Variants in PRKCE observed in about 807,000 individuals in gnomAD.
The protein encoded by PRKCE is protein kinase C epsilon, also known as protein kinase C epsilon type.
Under a neutral mutation model 85.4 loss-of-function variants are expected in PRKCE, and 16 were observed. That is an observed-to-expected ratio of 0.19 (90% CI 0.13 to 0.28). The LOEUF (loss-of-function observed/expected upper bound fraction) is 0.28. Among genes scored for constraint, PRKCE ranks in the 10% least tolerant of loss-of-function variants. PRKCE has a pLI of 1.00. For synonymous variants in PRKCE, 388 were observed against 371.5 expected (o/e 1.04, Z -0.51); for missense variants, 573 against 975.2 (o/e 0.59, Z 5.49).
intron 10 of PRKCE, among the ~76,000 whole-genome samples, chr2:46,024,943 C>T (rs1352164956): frequency 2.0e-5 from 3 of 152,088 alleles, no homozygotes; most frequent in African/African-American, 4.8e-5. Context: ...TCCAATTTGC[C>T]CAGAGTTTTA....
rs1461998277 is a variant in PRKCE, at chr2:46,010,532, A to T, written c.1437+15A>T. 1 of 1,598,520 alleles carries T rather than the reference A, an allele frequency of 6.3e-7. No individual in the cohort carries two copies. ...TCCAGACCAAGGTATGTTAGGAAGA[A>T]GCTGGCTGGCTGCCATGTTGGGGCA... On this transcript the variant is annotated intron_variant, in intron 10 of 14. Transcript: ENST00000306156.
At chr2:46,057,833 T>C (rs1666738324) in intron 10 of PRKCE, among the ~76,000 whole-genome samples, 2 of 152,206 alleles carry the variant, frequency 1.3e-5, no homozygotes, top group Non-Finnish European at 2.9e-5. Context: ...CCTGTCTCCC[T>C]CACCAAGCTG....
intron 1 of PRKCE, among the ~76,000 whole-genome samples, chr2:45,671,752 G>A (rs1341778319): frequency 6.6e-6 from 1 of 152,048 alleles, no homozygotes; most frequent in Admixed American, 6.5e-5. Context: ...CAGAAGTTTA[G>A]TGACTTGATC....
At chr2:46,013,446 G>C (rs966096561) in intron 10 of PRKCE, among the ~76,000 whole-genome samples, 4 of 152,156 alleles carry the variant, frequency 2.6e-5, no homozygotes, top group African/African-American at 9.7e-5. Context: ...CAGGGGAGGG[G>C]GTCTTCCCTA....
At chr2:45,995,179 A>G (rs973321304) in intron 6 of PRKCE, among the ~76,000 whole-genome samples, 12 of 152,164 alleles carry the variant, frequency 7.9e-5, no homozygotes, top group Admixed American at 2.0e-4. Context: ...ATTGGATAAT[A>G]TAGGCATATA....
At chr2:45,962,913 CAG>C (rs150490672) in intron 2 of PRKCE, among the ~76,000 whole-genome samples, 1,903 of 152,232 alleles carry the variant, frequency 0.013, 41 homozygotes, top group East Asian at 0.097. Flanking sequence ...TCTCCATGTG[CAG>C]AGTTTTGGTC....
intron 1 of PRKCE, among the ~76,000 whole-genome samples, chr2:45,688,724 T>G (rs551170810): frequency 5.0e-4 from 76 of 152,262 alleles, no homozygotes; most frequent in Non-Finnish European, 7.9e-4. Context: ...TCAAGAAAAA[T>G]AAGGAACAGA....
Position 45,655,846 on chromosome 2 carries a change from GAAAA to G in PRKCE, c.348+3420_348+3423del, listed in dbSNP as rs34853762. 9.0e-3 allele frequency among the ~76,000 whole-genome samples: 598 copies of G among 66,276 alleles called. 9 individuals are homozygous for G. Among genetic ancestry groups the G allele is most frequent in the African/African-American group, 0.035 (518 of 14,728 alleles). 43.5% of individuals were successfully genotyped at this position (66,276 alleles called of 152,430 possible). On this transcript the variant is annotated intron_variant, in intron 1 of 14. Transcript: ENST00000306156. ...GTGACAGAGTGATACCCTGTCTCTT[GAAAA>G]AAAAAAAAAAAAAAAAAAAAAGGTA...
At chr2:46,132,521 C>G (rs1465248793) in intron 11 of PRKCE, among the ~76,000 whole-genome samples, 2 of 152,118 alleles carry the variant, frequency 1.3e-5, no homozygotes, top group Non-Finnish European at 2.9e-5. Context: ...CTCTAATCAC[C>G]TTTGATTTTG....
chr2:45,971,010 AT>A (rs941299670), intron 2 of PRKCE, among the ~76,000 whole-genome samples: 53 of 151,830 alleles, frequency 3.5e-4, no homozygotes, highest in African/African-American at 1.0e-3. Flanking sequence ...CATTTTATTT[AT>A]TTTTTTTGTG....
At chr2:45,673,075 A>ATT (rs35436372) in intron 1 of PRKCE, among the ~76,000 whole-genome samples, 9 of 151,652 alleles carry the variant, frequency 5.9e-5, no homozygotes, top group Non-Finnish European at 1.2e-4. Flanking sequence ...ACAGTGAGAG[A>ATT]TTTTTTTTTA....
chr2:45,898,061 G>A (rs143635463), intron 2 of PRKCE, among the ~76,000 whole-genome samples: 4 of 152,192 alleles, frequency 2.6e-5, no homozygotes, highest in East Asian at 1.9e-4. Context: ...AGGCACAGGC[G>A]TGGTTCCCTT....
chr2:45,762,868 G>A (rs1684619812), intron 1 of PRKCE, among the ~76,000 whole-genome samples: 1 of 152,190 alleles, frequency 6.6e-6, no homozygotes, highest in Non-Finnish European at 1.5e-5. Context: ...GTAACAGGCA[G>A]AGTGGTCAAA....
intron 1 of PRKCE, among the ~76,000 whole-genome samples, chr2:45,709,325 G>A (rs1451035841): frequency 1.3e-5 from 2 of 152,218 alleles, no homozygotes; most frequent in Non-Finnish European, 2.9e-5. Flanking sequence ...AGCCTTCCTG[G>A]GTCAAGGCCA....
At chr2:45,829,520 A>G (rs1436674163) in intron 1 of PRKCE, among the ~76,000 whole-genome samples, 1 of 152,238 alleles carries the variant, frequency 6.6e-6, no homozygotes, top group African/African-American at 2.4e-5. Context: ...AAACTATTTC[A>G]GAGAATTTCT....
intron 2 of PRKCE, among the ~76,000 whole-genome samples, chr2:45,940,963 G>A (rs1167804913): frequency 6.6e-6 from 1 of 151,200 alleles, no homozygotes; most frequent in African/African-American, 2.4e-5. Context: ...CTACTTGGGA[G>A]GCTGAGGCAG....
intron 1 of PRKCE, among the ~76,000 whole-genome samples, chr2:45,839,535 C>A (rs768263099): frequency 6.6e-6 from 1 of 152,284 alleles, no homozygotes; most frequent in East Asian, 1.9e-4. Context: ...CAGAACTAAC[C>A]CTGGGAATGG....
intron 2 of PRKCE, among the ~76,000 whole-genome samples, chr2:45,860,315 C>T (rs550802776): frequency 2.0e-5 from 3 of 152,202 alleles, no homozygotes; most frequent in Non-Finnish European, 4.4e-5. Flanking sequence ...AGATAACTTG[C>T]AAACTTACAT....
chr2:45,729,329 A>C (rs114256104), intron 1 of PRKCE, among the ~76,000 whole-genome samples: 2,710 of 152,268 alleles, frequency 0.018, 94 homozygotes, highest in African/African-American at 0.062. Context: ...CATGAAAGCC[A>C]TCCTCAGCTC....
Sources: gnomAD v4.1 joint callset for allele counts (sites outside exome capture counted in the v4.1 genomes callset) on GRCh38, gnomAD v4.1.1 for gene constraint, MANE v1.5 for transcripts, NCBI Gene and HGNC (gene_info 2026-07-23, HGNC 2026-07-21) for gene names.